The following ASH1L variants were observed in gnomAD, a reference collection of about 807,000 sequenced individuals.
ASH1L encodes the protein histone-lysine N-methyltransferase ASH1L.
ASH1L carries 23 observed loss-of-function variants against 269.0 expected under a neutral mutation model. That is an observed-to-expected ratio of 0.09 (90% CI 0.06 to 0.12). The LOEUF (loss-of-function observed/expected upper bound fraction) is 0.12. Ranked by LOEUF, ASH1L falls within the 10% of genes least tolerant of loss-of-function variation. ASH1L has a pLI of 1.00. For missense variants in ASH1L, 2,912 were observed against 3,567.8 expected (o/e 0.82, Z 4.68); for synonymous variants, 1,187 against 1,253.5 (o/e 0.95, Z 1.12).
Position 155,526,928 on chromosome 1 carries a change from G to A in ASH1L, c.-99-5310C>T, listed in dbSNP as rs956367093. Reference sequence around the variant, plus strand: ...TCATGGAAGAAAATTCCTCTTAGCCGAGCAAGATGGCTCACGCCTGTAATC... The same window carrying A: ...TCATGGAAGAAAATTCCTCTTAGCCAAGCAAGATGGCTCACGCCTGTAATC... On this transcript the variant is annotated intron_variant, in intron 1 of 27. Coordinates refer to ENST00000392403, the MANE Select transcript of ASH1L (RefSeq NM_018489.3). 3.3e-5 allele frequency among the ~76,000 whole-genome samples: 5 copies of A among 152,146 alleles called. No homozygotes were observed. In the East Asian group the frequency reaches 7.7e-4, roughly 23 times the overall value.
chr1:155,508,877 T>G (rs945254666), intron 2 of ASH1L, among the ~76,000 whole-genome samples: 5 of 151,968 alleles, frequency 3.3e-5, no homozygotes, highest in African/African-American at 1.2e-4. Flanking sequence ...ATACAGTGGG[T>G]AAGTGCATCA....
At chr1:155,465,380 C>CT (rs1242452586) in intron 3 of ASH1L, among the ~76,000 whole-genome samples, 1 of 149,000 alleles carries the variant, frequency 6.7e-6, no homozygotes, top group African/African-American at 2.5e-5. Flanking sequence ...ACTATTAAAG[C>CT]TTTTATAACT....
At chr1:155,527,051 A>G (rs1465961782) in intron 1 of ASH1L, among the ~76,000 whole-genome samples, 1 of 152,070 alleles carries the variant, frequency 6.6e-6, no homozygotes, top group Non-Finnish European at 1.5e-5. Context: ...TACCAAAAAT[A>G]TAAGAAATTA....
At chr1:155,358,943 C>A (rs544299272) in intron 13 of ASH1L, 15 of 151,976 alleles carry the variant, frequency 9.9e-5, no homozygotes, top group African/African-American at 3.4e-4. Flanking sequence ...GAGGGAGACC[C>A]CATCTCTACA....
At chr1:155,399,097 T>A (rs942610294) in intron 6 of ASH1L, among the ~76,000 whole-genome samples, 7 of 152,190 alleles carry the variant, frequency 4.6e-5, no homozygotes, top group East Asian at 1.9e-4. Flanking sequence ...TGGGTAGATA[T>A]GAAATTGATG....
intron 3 of ASH1L, among the ~76,000 whole-genome samples, chr1:155,462,116 T>A (rs912467996): frequency 6.6e-6 from 1 of 152,082 alleles, no homozygotes; most frequent in Non-Finnish European, 1.5e-5. Flanking sequence ...GCACTTTTTA[T>A]ATAGTCTTTT....
At chr1:155,427,680 C>T (rs1174795780) in intron 5 of ASH1L, among the ~76,000 whole-genome samples, 1 of 152,112 alleles carries the variant, frequency 6.6e-6, no homozygotes, top group African/African-American at 2.4e-5. Flanking sequence ...CTCAGGTGAT[C>T]CACCCACCTC....
At chr1:155,475,428 G>A (rs1037411443) in intron 3 of ASH1L, among the ~76,000 whole-genome samples, 2 of 151,996 alleles carry the variant, frequency 1.3e-5, no homozygotes, top group Non-Finnish European at 2.9e-5. Context: ...GAGCCACCGC[G>A]CCTGGACTTC....
chr1:155,489,815 T>TAAAC (rs893874324), intron 2 of ASH1L, among the ~76,000 whole-genome samples: 2 of 150,434 alleles, frequency 1.3e-5, no homozygotes, highest in African/African-American at 4.9e-5. Flanking sequence ...AATAAATAAA[T>TAAAC]AAATAAATAA....
chr1:155,417,030 C>A (rs1660273002), intron 5 of ASH1L, among the ~76,000 whole-genome samples: 1 of 149,926 alleles, frequency 6.7e-6, no homozygotes, highest in Non-Finnish European at 1.5e-5. Context: ...CTCCTGGGTT[C>A]AAGAGATTCT....
At chr1:155,485,758 T>C (rs757332361) in intron 2 of ASH1L, among the ~76,000 whole-genome samples, 1 of 152,192 alleles carries the variant, frequency 6.6e-6, no homozygotes, top group African/African-American at 2.4e-5. Flanking sequence ...CCATTAGCAA[T>C]GAACACCTCA....
intron 13 of ASH1L, 101 bp from the exon 14 acceptor site, chr1:155,357,850 A>G: frequency 8.8e-7 from 1 of 1,139,810 alleles, no homozygotes; most frequent in Non-Finnish European, 1.2e-6. Flanking sequence ...GGCTCACTGC[A>G]GTCTCAACCT....
At chr1:155,494,916 GA>G (rs1667047785) in intron 2 of ASH1L, among the ~76,000 whole-genome samples, 1 of 151,866 alleles carries the variant, frequency 6.6e-6, no homozygotes, top group East Asian at 1.9e-4. Flanking sequence ...TGAGAAGCCA[GA>G]AAAGAATAAG....
At chr1:155,507,680 T>C (rs1202402287) in intron 2 of ASH1L, among the ~76,000 whole-genome samples, 3 of 152,176 alleles carry the variant, frequency 2.0e-5, no homozygotes, top group African/African-American at 4.8e-5. Flanking sequence ...GAGAACAGCC[T>C]GGGCAACACA....
At position 155,343,860 on chromosome 1, in the gene ASH1L, CAG is replaced by C; in HGVS notation, c.7982-120_7982-119del. ...CTCATAATCTGAAACAGTATAAATA[CAG>C]AGAGCTAAAAGCAGCAGTGTTAAGT... On this transcript the variant is annotated intron_variant, in intron 22 of 27. Coordinates refer to ENST00000392403, the MANE Select transcript of ASH1L (RefSeq NM_018489.3). The surrounding 1 kb of genome is among the most constrained non-coding windows in gnomAD (Gnocchi z 6.1). 8.4e-7 allele frequency: 1 copy of C among 1,190,696 alleles called. No homozygotes were observed. The highest frequency in any genetic ancestry group is 1.2e-6 in the Non-Finnish European group (1 of 853,834). 73.8% of individuals were successfully genotyped at this position (1,190,696 alleles called of 1,614,324 possible). A position where few individuals can be genotyped will look rare whatever the true frequency, so the allele number is the denominator to read the frequency against.
At chr1:155,497,800 A>T (rs2148785038) in intron 2 of ASH1L, among the ~76,000 whole-genome samples, 1 of 152,044 alleles carries the variant, frequency 6.6e-6, no homozygotes, top group East Asian at 1.9e-4. Context: ...TCAGGCTGGA[A>T]GTGCCGTGGC....
At chr1:155,357,865 G>A in intron 13 of ASH1L, 116 bp from the exon 14 acceptor site, 1 of 963,640 alleles carries the variant, frequency 1.0e-6, no homozygotes, top group South Asian at 1.9e-5. Flanking sequence ...CAACCTCCTG[G>A]GCTCAACTGA....
intron 2 of ASH1L, among the ~76,000 whole-genome samples, 188 bp downstream of exon 2, chr1:155,520,912 A>T (rs1371544734): frequency 6.6e-6 from 1 of 152,250 alleles, no homozygotes; most frequent in Non-Finnish European, 1.5e-5. Flanking sequence ...GTACAAATAC[A>T]TACATGGTTA....
At chr1:155,429,843 A>AT (rs1661470733) in intron 5 of ASH1L, among the ~76,000 whole-genome samples, 1 of 152,158 alleles carries the variant, frequency 6.6e-6, no homozygotes, top group African/African-American at 2.4e-5. Flanking sequence ...TTTGTCACCC[A>AT]GGATGGAATG....
Sources: gnomAD v4.1 joint callset for allele counts (sites outside exome capture counted in the v4.1 genomes callset) on GRCh38, gnomAD v4.1.1 for gene constraint, Gnocchi (gnomAD v3.1) non-coding constraint, MANE v1.5 for transcripts, NCBI Gene and HGNC (gene_info 2026-07-23, HGNC 2026-07-21) for gene names.